The following ERBB4 variants were observed in gnomAD, a reference collection of about 807,000 sequenced individuals.
ERBB4 encodes receptor tyrosine-protein kinase erbB-4.
ERBB4 carries 42 observed loss-of-function variants against 158.0 expected under a neutral mutation model. The ratio of observed to expected loss-of-function variants is 0.27; its 90% confidence interval spans 0.21 to 0.34. The LOEUF is 0.34. Among genes scored for constraint, ERBB4 ranks in the 10% least tolerant of loss-of-function variants. ERBB4 has a pLI of 1.00. For missense variants in ERBB4, 1,333 were observed against 1,624.1 expected, an observed-to-expected ratio of 0.82 and a Z score of 3.08; for synonymous variants, 583 against 558.7, an observed-to-expected ratio of 1.04 and a Z score of -0.61.
At chr2:211,617,019 T>C (rs2069416167) in intron 19 of ERBB4, among the ~76,000 whole-genome samples, 1 of 152,058 alleles carries the variant, frequency 6.6e-6, no homozygotes, top group African/African-American at 2.4e-5. Flanking sequence ...CTTGTTTCCA[T>C]GGGAATATAC....
chr2:211,773,722 TAC>T (rs1238260818), intron 4 of ERBB4, among the ~76,000 whole-genome samples: 19 of 144,732 alleles, frequency 1.3e-4, no homozygotes, highest in Non-Finnish European at 1.8e-4. Flanking sequence ...AATATATATA[TAC>T]ACACACACAC....
chr2:211,568,942 T>C (rs991812236), intron 19 of ERBB4, among the ~76,000 whole-genome samples: 5 of 152,208 alleles, frequency 3.3e-5, no homozygotes, highest in African/African-American at 1.2e-4. Context: ...AATCTGCATC[T>C]GTTCCTTCAT....
intron 2 of ERBB4, among the ~76,000 whole-genome samples, chr2:212,057,908 G>T (rs2077631069): frequency 6.6e-6 from 1 of 152,162 alleles, no homozygotes; most frequent in Admixed American, 6.5e-5. Context: ...AAAGCTAGCA[G>T]AAGGCAAGAA....
chr2:211,423,765 G>A (rs184932807), intron 23 of ERBB4, among the ~76,000 whole-genome samples: 1 of 151,522 alleles, frequency 6.6e-6, no homozygotes, highest in East Asian at 1.9e-4. Flanking sequence ...TTTCCTTCAT[G>A]TTTAGATCAT....
intron 2 of ERBB4, among the ~76,000 whole-genome samples, chr2:211,959,117 CCATCCATCCACCCACCCATACATCTATT>C (rs1473665945): frequency 6.6e-6 from 1 of 152,086 alleles, no homozygotes; most frequent in East Asian, 1.9e-4. Context: ...ATTCATCCAT[CCATCCATCCACCCACCCATACATCTATT>C]CATCCTTCCA....
chr2:212,125,843 A>G (rs1357389145), intron 1 of ERBB4, among the ~76,000 whole-genome samples: 1 of 152,088 alleles, frequency 6.6e-6, no homozygotes. Flanking sequence ...GGGTGATTCC[A>G]TGTCTTTTCT....
chr2:212,021,267 G>A (rs2076642990), intron 2 of ERBB4, among the ~76,000 whole-genome samples: 1 of 152,086 alleles, frequency 6.6e-6, no homozygotes, highest in Admixed American at 6.6e-5. Context: ...CTTAATGCAT[G>A]ATTCCAATGG....
rs1299569747 is a variant in ERBB4 at position 211,383,459 on chromosome 2, T to C, written c.*156A>G. The C allele has an allele frequency of 1.5e-6, 1 of 646,746 alleles. No individual in the cohort carries two copies. The allele number at this position is 646,746 out of a possible 1,614,324, so 40.1% of individuals were successfully genotyped here. Reference sequence around the variant, plus strand: ...CAGTCTTTCCCTCTAATGTTCAAGTTAGGTAAGCACATAACTATCATTGCA... The same window carrying C: ...CAGTCTTTCCCTCTAATGTTCAAGTCAGGTAAGCACATAACTATCATTGCA... On this transcript the variant is annotated 3_prime_UTR_variant, in exon 28 of 28. Coordinates refer to ENST00000342788, the MANE Select transcript of ERBB4 (RefSeq NM_005235.3).
chr2:211,913,615 ATATATGTGTGTGTGTGTG>A (rs2079597101), intron 3 of ERBB4, among the ~76,000 whole-genome samples: 1 of 102,744 alleles, frequency 9.7e-6, no homozygotes, highest in Admixed American at 1.2e-4. Flanking sequence ...AAATATATAT[ATATATGTGTGTGTGTGTG>A]TGTGTGTGTG....
intron 1 of ERBB4, among the ~76,000 whole-genome samples, chr2:212,250,888 T>C (rs918197640): frequency 6.6e-6 from 1 of 151,962 alleles, no homozygotes; most frequent in Non-Finnish European, 1.5e-5. Context: ...CAAAATTAAA[T>C]ACTACTAACA....
intron 1 of ERBB4, among the ~76,000 whole-genome samples, chr2:212,215,125 T>A (rs779475254): frequency 3.3e-5 from 5 of 151,556 alleles, no homozygotes; most frequent in Non-Finnish European, 7.4e-5. Context: ...TGCTTGTATA[T>A]CCTGTCACCT....
At chr2:212,348,384 A>C (rs1020235945) in intron 1 of ERBB4, among the ~76,000 whole-genome samples, 3 of 152,160 alleles carry the variant, frequency 2.0e-5, no homozygotes, top group Non-Finnish European at 4.4e-5. Context: ...TCAGCACAGG[A>C]AGATGAGAGT....
At chr2:211,457,741 G>A (rs1021891981) in intron 20 of ERBB4, among the ~76,000 whole-genome samples, 1 of 152,178 alleles carries the variant, frequency 6.6e-6, no homozygotes, top group Non-Finnish European at 1.5e-5. Flanking sequence ...CAACTATAAA[G>A]GCATTGCAAG....
intron 1 of ERBB4, among the ~76,000 whole-genome samples, chr2:212,169,407 G>A (rs1339976206): frequency 6.6e-6 from 1 of 152,020 alleles, no homozygotes; most frequent in African/African-American, 2.4e-5. Context: ...ACAAGCAATG[G>A]GGGAAGGATT....
chr2:211,985,200 G>A (rs1229115191), intron 2 of ERBB4, among the ~76,000 whole-genome samples: 1 of 151,998 alleles, frequency 6.6e-6, no homozygotes, highest in African/African-American at 2.4e-5. Flanking sequence ...ATTGTAAAAA[G>A]TACCCAGATT....
intron 19 of ERBB4, among the ~76,000 whole-genome samples, chr2:211,603,353 C>A (rs561533685): frequency 1.2e-4 from 19 of 152,170 alleles, no homozygotes; most frequent in African/African-American, 4.3e-4. Flanking sequence ...TCGAGTCATA[C>A]ACTTCGGAAG....
intron 20 of ERBB4, among the ~76,000 whole-genome samples, chr2:211,533,216 T>C (rs1242114075): frequency 6.6e-6 from 1 of 151,976 alleles, no homozygotes; most frequent in African/African-American, 2.4e-5. Context: ...GTGTATACCA[T>C]AATTAGTTTA....
intron 9 of ERBB4, among the ~76,000 whole-genome samples, chr2:211,709,274 T>TATATATATATATATATATATATATAC (rs1553615210): frequency 2.2e-5 from 3 of 136,558 alleles, no homozygotes; most frequent in African/African-American, 8.6e-5. Context: ...TATATATATA[T>TATATATATATATATATATATATATAC]ACATACATAT....
intron 20 of ERBB4, among the ~76,000 whole-genome samples, chr2:211,508,439 C>G (rs1466743162): frequency 7.9e-5 from 12 of 152,094 alleles, no homozygotes; most frequent in Non-Finnish European, 1.5e-4. Context: ...CCATCTCACA[C>G]CAGTTAGAAT....
Sources: gnomAD v4.1 joint callset for allele counts (sites outside exome capture counted in the v4.1 genomes callset) on GRCh38, gnomAD v4.1.1 for gene constraint, MANE v1.5 for transcripts, NCBI Gene and HGNC (gene_info 2026-07-23, HGNC 2026-07-21) for gene names.